The following PHLPP2 variants were observed in gnomAD, a reference collection of about 807,000 sequenced individuals.
PHLPP2 encodes the protein PH domain and leucine rich repeat protein phosphatase 2.
A neutral mutation model predicts 124.9 loss-of-function variants in PHLPP2; 66 were observed. The observed-to-expected ratio is 0.53, with a 90% CI of 0.43 to 0.65. The LOEUF (loss-of-function observed/expected upper bound fraction) is 0.65, where lower values mean the gene tolerates loss of function less well. Among genes scored for constraint, PHLPP2 ranks in the 30% least tolerant of loss-of-function variants. The pLI is 0.00. For synonymous variants in PHLPP2, 681 were observed against 624.7 expected, an observed-to-expected ratio of 1.09 and a Z score of -1.34; for missense variants, 1,685 against 1,600.4, an observed-to-expected ratio of 1.05 and a Z score of -0.90.
chr16:71,655,419 T>A lies in PHLPP2; in HGVS notation c.2406A>T (p.Ala802=). 6.2e-7 allele frequency: 1 copy of A among 1,613,390 alleles called. No individual in the cohort carries two copies. Among genetic ancestry groups the A allele is most frequent in the African/African-American group, 1.3e-5 (1 of 74,954 alleles). ...AGQRNKLCVS[A]LAMDSFAEGV... The stretch of plus-strand genomic sequence containing the variant: ...CCTCTGCAAAGCTATCCATAGCAAG[T>A]GCTGAGACACACAGCCTATAATAGA... The change falls in exon 17 of 19, where the codon GCA becomes GCT. Residue 802 remains alanine (A), a synonymous_variant. Transcript: ENST00000568954.
chr16:71,673,528 T>C (rs915913020), intron 9 of PHLPP2, among the ~76,000 whole-genome samples: 1 of 152,220 alleles, frequency 6.6e-6, no homozygotes, highest in Non-Finnish European at 1.5e-5. Flanking sequence ...TTTATGTGAA[T>C]TCTTCCAGGT....
At chr16:71,679,251 A>G in intron 7 of PHLPP2, 138 bp downstream of exon 7, 1 of 773,086 alleles carries the variant, frequency 1.3e-6, no homozygotes, top group Non-Finnish European at 2.1e-6. Flanking sequence ...TCTGAGGTCA[A>G]AAACTGCTGC....
rs1417809712 is a variant in PHLPP2, at chr16:71,658,360, C to G, written c.2152G>C (p.Val718Leu). Reference protein sequence around the residue: ...EILQLPQIQFVDLSCNDLTEI... With the variant: ...EILQLPQIQFLDLSCNDLTEI... Reference sequence around the variant, plus strand: ...GTCAAGTCGTTGCAACTTAGGTCTACAAACTAAGAAAAAATTGAGAAATCA... The same window carrying G: ...GTCAAGTCGTTGCAACTTAGGTCTAGAAACTAAGAAAAAATTGAGAAATCA... The change falls in exon 15 of 19, where the codon GTA (valine) becomes CTA (leucine). Residue 718 changes from valine (V) to leucine (L), a missense_variant. Transcript: ENST00000568954. 1.9e-6 allele frequency: 3 copies of G among 1,611,288 alleles called. No individual in the cohort carries two copies. The Admixed American group carries it at 5.1e-5, about 27-fold the overall frequency.
chr16:71,693,139 T>C (rs1418314575), intron 3 of PHLPP2, among the ~76,000 whole-genome samples: 2 of 152,184 alleles, frequency 1.3e-5, no homozygotes, highest in South Asian at 2.1e-4. Context: ...ATACAAAAAT[T>C]AGCCAGGCAT....
intron 5 of PHLPP2, among the ~76,000 whole-genome samples, chr16:71,683,627 C>T (rs2045024618): frequency 6.6e-6 from 1 of 152,172 alleles, no homozygotes; most frequent in Non-Finnish European, 1.5e-5. Context: ...GAGGAAAATG[C>T]ACCTGCAAAC....
intron 18 of PHLPP2, among the ~76,000 whole-genome samples, chr16:71,650,537 A>C (rs2044688724): frequency 6.6e-6 from 1 of 152,242 alleles, no homozygotes; most frequent in South Asian, 2.1e-4. Flanking sequence ...AGCCTAAAAA[A>C]GGGGAGTCTG....
In PHLPP2 at chr16:71,644,979, G is replaced by C. The variant is rs780124031; in HGVS notation, c.*3911C>G. 5 of 287,746 alleles carry C rather than the reference G, an allele frequency of 1.7e-5. No homozygotes were observed. Among genetic ancestry groups the C allele is most frequent in the Non-Finnish European group, 3.4e-5 (5 of 145,948 alleles). The allele number at this position is 287,746 out of a possible 1,614,324, so 17.8% of individuals were successfully genotyped here. A position where few individuals can be genotyped will look rare whatever the true frequency, so the allele number is the denominator to read the frequency against. On this transcript the variant is annotated 3_prime_UTR_variant, in exon 19 of 19. Transcript: ENST00000568954. ...CTTTATTTTATTTATTATTGTTATTGTTATTTTTACAAACAATAGATTTGC... is the reference window on the plus strand; with the variant it reads ...CTTTATTTTATTTATTATTGTTATTCTTATTTTTACAAACAATAGATTTGC...
chr16:71,685,056 G>C (rs1311461277), intron 4 of PHLPP2, among the ~76,000 whole-genome samples: 1 of 152,184 alleles, frequency 6.6e-6, no homozygotes. Flanking sequence ...GGCCAGGCGT[G>C]GTGGCTCACG....
intron 4 of PHLPP2, among the ~76,000 whole-genome samples, chr16:71,690,012 CT>C (rs1302386779): frequency 6.6e-6 from 1 of 152,050 alleles, no homozygotes; most frequent in Non-Finnish European, 1.5e-5. Flanking sequence ...ATTAACATAT[CT>C]GTTTATGGTC....
At chr16:71,676,767 G>A in intron 8 of PHLPP2, 118 bp from the exon 9 acceptor site, 2 of 706,800 alleles carry the variant, frequency 2.8e-6, no homozygotes, top group Non-Finnish European at 4.7e-6. Context: ...TTTTTTTTTT[G>A]AGATGGAGTT....
intron 14 of PHLPP2, 138 bp downstream of exon 14, chr16:71,658,509 AGCACAT>A: frequency 8.5e-7 from 1 of 1,174,568 alleles, no homozygotes; most frequent in South Asian, 1.6e-5. Flanking sequence ...CCCAAACTGG[AGCACAT>A]AAGAAGACAA....
At chr16:71,723,603 G>T (rs1297202821) in intron 1 of PHLPP2, 7 of 295,336 alleles carry the variant, frequency 2.4e-5, no homozygotes, top group Admixed American at 5.3e-5. Flanking sequence ...GGCGTCCCCA[G>T]CCGGGTGTGG....
At chr16:71,711,100 C>A (rs773257526) in intron 2 of PHLPP2, among the ~76,000 whole-genome samples, 1 of 152,100 alleles carries the variant, frequency 6.6e-6, no homozygotes, top group Non-Finnish European at 1.5e-5. Context: ...GAGGCCGAGG[C>A]GGGCAGATCA....
chr16:71,654,072 G>A (rs1273704558), intron 17 of PHLPP2, among the ~76,000 whole-genome samples: 1 of 152,014 alleles, frequency 6.6e-6, no homozygotes, highest in African/African-American at 2.4e-5. Flanking sequence ...GCGGGCACCT[G>A]TAGTCCCAGC....
intron 1 of PHLPP2, among the ~76,000 whole-genome samples, chr16:71,721,102 G>C (rs780563275): frequency 5.9e-5 from 9 of 151,998 alleles, no homozygotes; most frequent in Non-Finnish European, 1.0e-4. Flanking sequence ...GGGATGCCGA[G>C]GAGGGACAGC....
In PHLPP2 at chr16:71,658,705, T is replaced by A; in HGVS notation, c.2096A>T (p.His699Leu). 1.2e-6 allele frequency: 2 copies of A among 1,614,102 alleles called. No homozygotes were observed. The highest frequency in any genetic ancestry group is 1.7e-6 in the Non-Finnish European group (2 of 1,179,988). ...TGGGAAAATGCTGATGTTGTTGGAG[T>A]GTGCAACAAGGGTGTGCAGCCTTTT... The part of the protein sequence containing the change: ...NCKRLHTLVA[H>L]SNNISIFPEI... The change falls in exon 14 of 19, where the codon CAC becomes CTC. Residue 699 changes from histidine to leucine, a missense_variant. Physicochemically the swap from His to Leu is moderately conservative, Grantham distance 99. Transcript: ENST00000568954.
chr16:71,667,062 G>T, intron 12 of PHLPP2, 116 bp downstream of exon 12: 1 of 796,166 alleles, frequency 1.3e-6, no homozygotes, highest in Non-Finnish European at 2.0e-6. Flanking sequence ...ACTCATAGTT[G>T]GACTATTAGG....
intron 10 of PHLPP2, 44 bp downstream of exon 10, chr16:71,672,218 T>A (rs1209085432): frequency 1.4e-6 from 2 of 1,467,012 alleles, no homozygotes; most frequent in East Asian, 4.5e-5. Context: ...CATGTATCTC[T>A]TAAATAGTAA....
At position 71,645,599 on chromosome 16, in the gene PHLPP2, G is replaced by T. The variant is rs1196742611; in HGVS notation, c.*3291C>A. On this transcript the variant is annotated 3_prime_UTR_variant, in exon 19 of 19. Transcript: ENST00000568954. Reference sequence around the variant, plus strand: ...TTGCTGAAGGTCTACATGGGAAGAAGAGCATCATTTGATATTCAGTAGATC... The same window carrying T: ...TTGCTGAAGGTCTACATGGGAAGAATAGCATCATTTGATATTCAGTAGATC... 6.5e-6 allele frequency: 1 copy of T among 152,950 alleles called. No homozygotes were observed. Among genetic ancestry groups the T allele is most frequent in the East Asian group, 1.9e-4 (1 of 5,200 alleles). The allele number at this position is 152,950 out of a possible 1,614,324, so 9.5% of individuals were successfully genotyped here.
Sources: gnomAD v4.1 joint callset for allele counts (sites outside exome capture counted in the v4.1 genomes callset) on GRCh38, gnomAD v4.1.1 for gene constraint, MANE v1.5 for transcripts, NCBI Gene and HGNC (gene_info 2026-07-23, HGNC 2026-07-21) for gene names.